Variants in NBPF11 observed in about 807,000 individuals in gnomAD.
NBPF11 encodes the protein NBPF member 11, also known as NBPF family member NBPF11.
Under a neutral mutation model 93.9 loss-of-function variants are expected in NBPF11, and 72 were observed. The ratio of observed to expected loss-of-function variants is 0.77; its 90% confidence interval spans 0.63 to 0.93. NBPF11 has a LOEUF of 0.93. NBPF11 is among the 40% of genes least tolerant of loss of function. NBPF11 has a pLI of 0.00. For synonymous variants in NBPF11, 224 were observed against 304.9 expected (o/e 0.73, Z 2.76); for missense variants, 705 against 802.2 (o/e 0.88, Z 1.46).
intron 1 of NBPF11, among the ~76,000 whole-genome samples, chr1:148,150,460 A>T (rs1648000913): frequency 6.6e-6 from 1 of 151,144 alleles, no homozygotes; most frequent in African/African-American, 2.4e-5. Flanking sequence ...CTTTTCGAAG[A>T]TTTCTTTGAC....
chr1:148,133,026 A>G (rs2149269966), intron 4 of NBPF11, among the ~76,000 whole-genome samples: 1 of 148,966 alleles, frequency 6.7e-6, no homozygotes, highest in Non-Finnish European at 1.5e-5. Context: ...CTGAGATTAC[A>G]AGTGTGAGCC....
At position 148,122,040 on chromosome 1, in the gene NBPF11, G is replaced by GA. The variant is rs1667994869; in HGVS notation, c.778+14dup. On this transcript the variant is annotated intron_variant, in intron 9 of 23. Transcript: ENST00000682118. ...CCTAGACAGAGGTATGAGACACAAG[G>GA]AAAATAGAGGCTACCTGGGAGAATG... The GA allele has an allele frequency of 6.3e-7, 1 of 1,582,372 alleles. No individual in the cohort carries two copies. The highest frequency in any genetic ancestry group is 8.7e-7 in the Non-Finnish European group (1 of 1,151,774).
intron 4 of NBPF11, among the ~76,000 whole-genome samples, chr1:148,133,599 A>G (rs2746835): frequency 6.6e-6 from 1 of 152,048 alleles, no homozygotes; most frequent in Non-Finnish European, 1.5e-5. Context: ...TAATCATACG[A>G]GTTTTCTCTT....
chr1:148,147,332 G>A (rs1252780180), intron 1 of NBPF11, among the ~76,000 whole-genome samples: 5 of 151,910 alleles, frequency 3.3e-5, no homozygotes, highest in South Asian at 2.1e-4. Flanking sequence ...ATCCAGGTCC[G>A]GAGGACTGGC....
chr1:148,140,104 G>T (rs1294412942), intron 2 of NBPF11, among the ~76,000 whole-genome samples: 1 of 151,912 alleles, frequency 6.6e-6, no homozygotes, highest in Non-Finnish European at 1.5e-5. Context: ...GCATGGAAAA[G>T]AATACGGAGC....
At position 148,118,713 on chromosome 1, in the gene NBPF11, T is replaced by A; in HGVS notation, c.998A>T (p.Glu333Val). ...AKQQNKYKYE[E>V]CKDLIKSMLR... ...CATAGATTTTATGAGGTCTTTGCAC[T>A]CTTCATATTCTGAGAAAAGACAGAC... is the stretch of plus-strand genomic sequence containing the variant. The change falls in exon 11 of 24, where the codon GAG (glutamate) becomes GTG (valine). Residue 333 changes from glutamate to valine, a missense_variant. Transcript: ENST00000682118. 1 of 1,612,372 alleles carries A rather than the reference T, an allele frequency of 6.2e-7. No individual in the cohort carries two copies.
At chr1:148,107,478 G>GC (rs1663995314) in intron 19 of NBPF11, among the ~76,000 whole-genome samples, 2 of 151,902 alleles carry the variant, frequency 1.3e-5, no homozygotes, top group African/African-American at 4.8e-5. Flanking sequence ...AAGATTCCAT[G>GC]CAGTTGCCAT....
chr1:148,148,933 G>C (rs1647462769), intron 1 of NBPF11, among the ~76,000 whole-genome samples: 1 of 151,252 alleles, frequency 6.6e-6, no homozygotes, highest in Admixed American at 6.6e-5. Flanking sequence ...AAACGCCAGT[G>C]AACGGCAGCG....
intron 7 of NBPF11, among the ~76,000 whole-genome samples, chr1:148,123,062 G>A (rs1321018693): frequency 6.6e-6 from 1 of 152,042 alleles, no homozygotes; most frequent in Non-Finnish European, 1.5e-5. Flanking sequence ...GGCTTGTGCA[G>A]CCTCTCTCTG....
At position 148,118,609 on chromosome 1, in the gene NBPF11, G is replaced by T. The variant is rs1184289859; in HGVS notation, c.1091+11C>A. 2 of 1,607,926 alleles carry T rather than the reference G, an allele frequency of 1.2e-6. No homozygotes were observed. Among genetic ancestry groups the T allele is most frequent in the Non-Finnish European group, 1.7e-6 (2 of 1,176,246 alleles). ...CCTGCCCCCCTGCCTGCCCCCATGG[G>T]GTCCCCTCACCTGAGCTCCTCAGCT... On this transcript the variant is annotated intron_variant, in intron 11 of 23. Transcript: ENST00000682118.
At chr1:148,148,827 C>A (rs1403450520) in intron 1 of NBPF11, among the ~76,000 whole-genome samples, 1 of 151,770 alleles carries the variant, frequency 6.6e-6, no homozygotes, top group Admixed American at 6.5e-5. Flanking sequence ...CCAGTGTGCA[C>A]CTAGGGGTGA....
In NBPF11 at chr1:148,105,441, G is replaced by C; in HGVS notation, c.2391C>G (p.Asn797Lys). 1 of 1,106,700 alleles carries C rather than the reference G, an allele frequency of 9.0e-7. No individual in the cohort carries two copies. Among genetic ancestry groups the C allele is most frequent in the Non-Finnish European group, 1.4e-6 (1 of 740,162 alleles). 68.6% of individuals were successfully genotyped at this position (1,106,700 alleles called of 1,614,324 possible). The part of the protein sequence containing the change: ...DVIQLLPVVL[N>K]SLTPASPTEV... ...CCGTAGGGCTGGCAGGAGTCAGGCT[G>C]TTCAAGACAACTGGAAGGAGTTGAA... The change falls in exon 22 of 24, where the codon AAC becomes AAG. Residue 797 changes from asparagine (N) to lysine (K), a missense_variant. This residue lies in a region of NBPF11 where 109 missense variants were observed against 83.3 expected (regional missense o/e 1.31). Coordinates refer to ENST00000682118, the MANE Select transcript of NBPF11 (RefSeq NM_001385469.3).
chr1:148,146,748 C>G, intron 1 of NBPF11: 1 of 1,612,808 alleles, frequency 6.2e-7, no homozygotes, highest in East Asian at 2.2e-5. Context: ...TCTTCTCGCA[C>G]GGCAATGCCG....
chr1:148,103,986 G>A (rs1662913174), intron 23 of NBPF11, 74 bp from the exon 24 acceptor site: 3 of 1,609,022 alleles, frequency 1.9e-6, no homozygotes, highest in African/African-American at 1.3e-5. Context: ...GATTTCAGAA[G>A]TAACATAAGG....
At chr1:148,110,095 T>G (rs1362602417) in intron 16 of NBPF11, among the ~76,000 whole-genome samples, 1 of 151,764 alleles carries the variant, frequency 6.6e-6, no homozygotes, top group Non-Finnish European at 1.5e-5. Flanking sequence ...TGCTGCACAG[T>G]TTGGTGTGAG....
intron 23 of NBPF11, 33 bp from the exon 24 acceptor site, chr1:148,103,945 A>G: frequency 5.0e-6 from 8 of 1,610,548 alleles, no homozygotes; most frequent in Non-Finnish European, 8.5e-7. Flanking sequence ...AGAAGCAGCC[A>G]GGGAAAATCA....
chr1:148,118,683 C>A lies in NBPF11; in HGVS notation c.1028G>T (p.Arg343Met), dbSNP rs2149221065. Residue 343 changes from arginine to methionine, a missense_variant, in exon 11 of 24, where the codon AGG becomes ATG. Physicochemically the swap from Arg to Met is moderately conservative, Grantham distance 91 (BLOSUM62 -1). Around this residue, in one of 12 missense-constraint regions of NBPF11, gnomAD observed 262 missense variants for 223.1 expected, o/e 1.17. Coordinates refer to ENST00000682118, the MANE Select transcript of NBPF11 (RefSeq NM_001385469.3). The stretch of plus-strand genomic sequence containing the variant: ...CTCCTCCTTGAACTGTCGCTCATTC[C>A]TCAGCATAGATTTTATGAGGTCTTT... ...ECKDLIKSML[R>M]NERQFKEEKL... The A allele has an allele frequency of 1.2e-6, 2 of 1,613,196 alleles. No homozygotes were observed. The highest frequency in any genetic ancestry group is 4.5e-5 in the East Asian group (2 of 44,862).
rs1451986108 is a variant in NBPF11 at position 148,102,173 on chromosome 1, G to A, written c.*1723C>T. ...GAGTGATAGGCAAAAGGTTTTAATTGTATAGATTAAAATTAACTTTGGACA... is the reference window on the plus strand; with the variant it reads ...GAGTGATAGGCAAAAGGTTTTAATTATATAGATTAAAATTAACTTTGGACA... On this transcript the variant is annotated 3_prime_UTR_variant, in exon 24 of 24. Coordinates refer to ENST00000682118, the MANE Select transcript of NBPF11 (RefSeq NM_001385469.3). The A allele has an allele frequency of 2.6e-5, 4 of 152,024 alleles. No homozygotes were observed. Among genetic ancestry groups the A allele is most frequent in the Non-Finnish European group, 5.9e-5 (4 of 68,034 alleles). The allele number at this position is 152,024 out of a possible 1,614,324, so 9.4% of individuals were successfully genotyped here.
At chr1:148,108,872 C>CACACAG (rs1553267986) in intron 17 of NBPF11, among the ~76,000 whole-genome samples, 169 of 150,276 alleles carry the variant, frequency 1.1e-3, no homozygotes, top group African/African-American at 4.1e-3. Context: ...CACACACACA[C>CACACAG]ACACACACAC....
Sources: allele counts gnomAD v4.1 joint callset (sites outside exome capture counted in the v4.1 genomes callset), GRCh38; gene constraint gnomAD v4.1.1; regional missense constraint gnomAD v4.1.1; transcripts MANE v1.5; gene names NCBI Gene and HGNC (gene_info 2026-07-23, HGNC 2026-07-21).